The following SPAG16 variants were observed in gnomAD, a reference collection of about 807,000 sequenced individuals.
SPAG16 encodes the protein sperm-associated antigen 16 protein.
In SPAG16, 86 loss-of-function variants were observed where a neutral mutation model predicts 80.4. That is an observed-to-expected ratio of 1.07 (90% CI 0.90 to 1.28). SPAG16 has a LOEUF of 1.28. Among genes scored for constraint, SPAG16 ranks in the 50% most tolerant of loss-of-function variants. The probability of loss-of-function intolerance (pLI) is 0.00; values close to 1 mark genes in which losing one functional copy is unlikely to be tolerated. For synonymous variants in SPAG16, 294 were observed against 265.9 expected (o/e 1.11, Z -1.03); for missense variants, 870 against 765.3 (o/e 1.14, Z -1.61).
chr2:213,427,293 A>G (rs1366023196), intron 9 of SPAG16, among the ~76,000 whole-genome samples: 2 of 152,186 alleles, frequency 1.3e-5, no homozygotes, highest in African/African-American at 4.8e-5. Flanking sequence ...TGTTTTAGAT[A>G]ATTTGCATTA....
chr2:213,679,613 C>T (rs74586504), intron 10 of SPAG16, among the ~76,000 whole-genome samples: 2,042 of 152,156 alleles, frequency 0.013, 40 homozygotes, highest in African/African-American at 0.045. Context: ...CCTGTTGCTC[C>T]GGTGATTTAT....
chr2:214,099,612 T>TTGTATA (rs1333601505), intron 13 of SPAG16, among the ~76,000 whole-genome samples: 1 of 152,072 alleles, frequency 6.6e-6, no homozygotes, highest in African/African-American at 2.4e-5. Context: ...GGAAAGGGGA[T>TTGTATA]TGTATATGTA....
intron 15 of SPAG16, among the ~76,000 whole-genome samples, chr2:214,367,868 A>C (rs1428008203): frequency 6.6e-6 from 1 of 152,022 alleles, no homozygotes; most frequent in Non-Finnish European, 1.5e-5. Flanking sequence ...AATTCTATCA[A>C]TTTCTATCTC....
chr2:213,541,169 G>A (rs955178092), intron 10 of SPAG16, among the ~76,000 whole-genome samples: 1 of 152,218 alleles, frequency 6.6e-6, no homozygotes, highest in Non-Finnish European at 1.5e-5. Context: ...GGGGCCATGA[G>A]GAAACGGAGG....
intron 15 of SPAG16, among the ~76,000 whole-genome samples, chr2:214,253,472 AT>A (rs1272713009): frequency 6.6e-6 from 1 of 152,024 alleles, no homozygotes; most frequent in Non-Finnish European, 1.5e-5. Context: ...TCTTTAGTTA[AT>A]TTTTGTATAA....
intron 15 of SPAG16, among the ~76,000 whole-genome samples, chr2:214,384,266 TC>T (rs1700625082): frequency 6.6e-6 from 1 of 152,238 alleles, no homozygotes; most frequent in Admixed American, 6.5e-5. Context: ...TAATGCTTTT[TC>T]CCCAATCATT....
Position 213,698,681 on chromosome 2 carries a change from A to G in SPAG16, c.1071-163804A>G, listed in dbSNP as rs118042683. ...TCTTAGTACTCACCTGGACAAATAT[A>G]CTCTGTTCTGTACACCTTATTGTCA... On this transcript the variant is annotated intron_variant, in intron 10 of 15. Coordinates refer to ENST00000331683, the MANE Select transcript of SPAG16 (RefSeq NM_024532.5). Among the ~76,000 whole-genome samples, 70 of 152,232 alleles carry G rather than the reference A, an allele frequency of 4.6e-4. No individual in the cohort carries two copies. In the East Asian group the frequency reaches 0.012, roughly 25 times the overall value.
intron 12 of SPAG16, among the ~76,000 whole-genome samples, chr2:213,969,281 G>T (rs1166212545): frequency 1.3e-5 from 2 of 152,180 alleles, no homozygotes; most frequent in Non-Finnish European, 2.9e-5. Flanking sequence ...TCTCCATCCA[G>T]ATTATGGCTG....
At chr2:213,890,158 C>T (rs1217744362) in intron 11 of SPAG16, among the ~76,000 whole-genome samples, 1 of 152,014 alleles carries the variant, frequency 6.6e-6, no homozygotes, top group Non-Finnish European at 1.5e-5. Context: ...TAAACATGTT[C>T]AAGTTCAGTG....
chr2:213,458,583 A>G (rs1201705949), intron 9 of SPAG16, among the ~76,000 whole-genome samples: 6 of 152,156 alleles, frequency 3.9e-5, no homozygotes, highest in African/African-American at 1.2e-4. Flanking sequence ...AAAAATAAAT[A>G]AATAAAAATT....
rs144354255 is a variant in SPAG16, at chr2:213,951,862, C to A, written c.1400+21717C>A. On this transcript the variant is annotated intron_variant, in intron 12 of 15. Transcript: ENST00000331683. The stretch of plus-strand genomic sequence containing the variant: ...ATAACTGAGGATGTTTTGAGATTCG[C>A]TAAAACCAAATATTAAAAACAAAGA... 9.1e-4 allele frequency among the ~76,000 whole-genome samples: 139 copies of A among 152,112 alleles called. No individual in the cohort carries two copies. The Middle Eastern group carries it at 0.014, about 15-fold the overall frequency.
At chr2:214,078,881 A>G (rs559378900) in intron 13 of SPAG16, among the ~76,000 whole-genome samples, 25 of 152,300 alleles carry the variant, frequency 1.6e-4, no homozygotes, top group African/African-American at 5.5e-4. Context: ...ATTTCCAGAA[A>G]CCATACAATC....
intron 15 of SPAG16, among the ~76,000 whole-genome samples, chr2:214,316,136 CT>C (rs1695677071): frequency 2.2e-5 from 1 of 46,278 alleles, no homozygotes; most frequent in African/African-American, 7.9e-5. Flanking sequence ...TGACCTTTTA[CT>C]TTTTGGGTTT....
At chr2:213,460,320 T>C (rs2072288531) in intron 9 of SPAG16, among the ~76,000 whole-genome samples, 1 of 152,230 alleles carries the variant, frequency 6.6e-6, no homozygotes, top group African/African-American at 2.4e-5. Flanking sequence ...TGCAACACTG[T>C]GAACCCCTTG....
intron 9 of SPAG16, among the ~76,000 whole-genome samples, chr2:213,465,275 C>T (rs1247969221): frequency 6.6e-6 from 1 of 152,120 alleles, no homozygotes; most frequent in Non-Finnish European, 1.5e-5. Flanking sequence ...TGCTTAAATG[C>T]CCCCATGAGG....
At chr2:214,063,183 G>A (rs2050366615) in intron 13 of SPAG16, among the ~76,000 whole-genome samples, 1 of 151,990 alleles carries the variant, frequency 6.6e-6, no homozygotes, top group Non-Finnish European at 1.5e-5. Flanking sequence ...TGTGATAAAT[G>A]GGTACTATAT....
chr2:213,816,186 G>C (rs958004516), intron 10 of SPAG16, among the ~76,000 whole-genome samples: 1 of 151,990 alleles, frequency 6.6e-6, no homozygotes, highest in East Asian at 1.9e-4. Context: ...ATACTTTTTT[G>C]TATGTGATTT....
At chr2:213,694,959 C>A (rs2065096777) in intron 10 of SPAG16, among the ~76,000 whole-genome samples, 1 of 152,108 alleles carries the variant, frequency 6.6e-6, no homozygotes, top group Non-Finnish European at 1.5e-5. Context: ...TCTTCATGCT[C>A]TTTCATATTA....
At chr2:213,577,690 ACTTTAT>A (rs1348129124) in intron 10 of SPAG16, among the ~76,000 whole-genome samples, 1 of 152,068 alleles carries the variant, frequency 6.6e-6, no homozygotes, top group Non-Finnish European at 1.5e-5. Flanking sequence ...TACCAAGCAT[ACTTTAT>A]CTTTATTTTA....
Sources: gnomAD v4.1 joint callset for allele counts (sites outside exome capture counted in the v4.1 genomes callset) on GRCh38, gnomAD v4.1.1 for gene constraint, MANE v1.5 for transcripts, NCBI Gene and HGNC (gene_info 2026-07-23, HGNC 2026-07-21) for gene names.